Variants in SNX16 observed in about 807,000 individuals in gnomAD.
SNX16 encodes the protein sorting nexin 16.
SNX16 carries 35 observed loss-of-function variants against 36.7 expected under a neutral mutation model. The observed-to-expected ratio is 0.95, with a 90% CI of 0.73 to 1.27. The LOEUF (loss-of-function observed/expected upper bound fraction) is 1.27. Among genes scored for constraint, SNX16 ranks in the 50% most tolerant of loss-of-function variants. SNX16 has a pLI of 0.00. For synonymous variants in SNX16, 134 were observed against 132.0 expected (o/e 1.02, Z -0.10); for missense variants, 367 against 393.6 (o/e 0.93, Z 0.57).
chr8:81,823,652 G>A, intron 4 of SNX16, 140 bp downstream of exon 4: 2 of 624,770 alleles, frequency 3.2e-6, no homozygotes, highest in Non-Finnish European at 5.1e-6. Context: ...ATCTCTTGTA[G>A]TACTTTGTTA....
intron 5 of SNX16, 59 bp downstream of exon 5, chr8:81,815,266 T>C: frequency 8.1e-7 from 1 of 1,229,176 alleles, no homozygotes; most frequent in Non-Finnish European, 1.2e-6. Flanking sequence ...AGAAACAATG[T>C]AGTTATTGTA....
intron 3 of SNX16, 89 bp from the exon 4 acceptor site, chr8:81,824,029 C>T (rs1202399624): frequency 8.4e-7 from 1 of 1,190,646 alleles, no homozygotes; most frequent in East Asian, 2.6e-5. Context: ...TGAAATTATT[C>T]ATGAAATAAG....
chr8:81,822,975 T>TATATATATAC (rs1443392174), intron 4 of SNX16, among the ~76,000 whole-genome samples: 6 of 146,024 alleles, frequency 4.1e-5, no homozygotes, highest in African/African-American at 1.5e-4. Context: ...TATATATATA[T>TATATATATAC]ACACATATGT....
intron 5 of SNX16, 147 bp downstream of exon 5, chr8:81,815,178 G>T: frequency 2.0e-6 from 1 of 504,452 alleles, no homozygotes; most frequent in Non-Finnish European, 3.3e-6. Flanking sequence ...AGCAACCTTT[G>T]ACTCAAACAT....
At chr8:81,811,692 A>G (rs1371059426) in intron 5 of SNX16, among the ~76,000 whole-genome samples, 1 of 152,170 alleles carries the variant, frequency 6.6e-6, no homozygotes, top group East Asian at 1.9e-4. Flanking sequence ...TAACCACTAT[A>G]GGAGACAGAG....
At chr8:81,826,918 T>G (rs947500160) in intron 3 of SNX16, among the ~76,000 whole-genome samples, 3 of 152,176 alleles carry the variant, frequency 2.0e-5, no homozygotes, top group African/African-American at 7.2e-5. Flanking sequence ...GAACTCTATC[T>G]ACTCATTTCA....
intron 4 of SNX16, among the ~76,000 whole-genome samples, chr8:81,817,769 G>C (rs1294484570): frequency 2.0e-5 from 3 of 152,108 alleles, no homozygotes; most frequent in African/African-American, 7.2e-5. Flanking sequence ...TCCTTTCTTA[G>C]AAATTCTGAT....
chr8:81,829,395 C>T (rs752345802), intron 3 of SNX16, 35 bp downstream of exon 3: 2 of 994,276 alleles, frequency 2.0e-6, no homozygotes, highest in Admixed American at 3.3e-5. Context: ...GAATTCAAAA[C>T]TGAAATGTTA....
At chr8:81,837,246 C>T (rs1811530280) in intron 2 of SNX16, among the ~76,000 whole-genome samples, 3 of 152,090 alleles carry the variant, frequency 2.0e-5, no homozygotes, top group African/African-American at 7.2e-5. Context: ...GTGCCTGAGG[C>T]ATAATAGGTA....
intron 2 of SNX16, among the ~76,000 whole-genome samples, chr8:81,838,309 C>T (rs963824502): frequency 2.0e-5 from 3 of 152,028 alleles, no homozygotes; most frequent in Non-Finnish European, 4.4e-5. Flanking sequence ...ATCTATAGAT[C>T]TAACAAAATC....
chr8:81,806,891 T>C (rs1052982956), intron 5 of SNX16, among the ~76,000 whole-genome samples: 6 of 151,776 alleles, frequency 4.0e-5, no homozygotes, highest in Non-Finnish European at 8.8e-5. Flanking sequence ...TCAACAAAAA[T>C]GATGAGGAAT....
At chr8:81,824,528 A>G (rs1052638788) in intron 3 of SNX16, among the ~76,000 whole-genome samples, 1 of 151,138 alleles carries the variant, frequency 6.6e-6, no homozygotes, top group Non-Finnish European at 1.5e-5. Flanking sequence ...GCTTTTTTTT[A>G]GATCATAAAA....
intron 7 of SNX16, 104 bp from the exon 8 acceptor site, chr8:81,801,697 T>C (rs1279360505): frequency 2.3e-6 from 1 of 429,358 alleles, no homozygotes; most frequent in Non-Finnish European, 4.0e-6. Context: ...TTATAGAAAA[T>C]TTACATACTT....
At chr8:81,821,088 G>A (rs1429943027) in intron 4 of SNX16, among the ~76,000 whole-genome samples, 1 of 149,438 alleles carries the variant, frequency 6.7e-6, no homozygotes, top group Non-Finnish European at 1.5e-5. Context: ...ATATGACAAA[G>A]GCAGGTAGGC....
intron 4 of SNX16, among the ~76,000 whole-genome samples, chr8:81,818,326 TTTC>T (rs957481941): frequency 1.8e-4 from 27 of 152,208 alleles, no homozygotes; most frequent in African/African-American, 6.5e-4. Context: ...TATCTTAAAT[TTTC>T]TTTTTTAAAT....
chr8:81,822,947 C>CATATAT (rs949455303), intron 4 of SNX16, among the ~76,000 whole-genome samples: 115 of 52,294 alleles, frequency 2.2e-3, no homozygotes, highest in Middle Eastern at 0.011. Context: ...TATACATATA[C>CATATAT]ATATATATAT....
At chr8:81,836,277 CA>C (rs1238895745) in intron 2 of SNX16, among the ~76,000 whole-genome samples, 1 of 152,112 alleles carries the variant, frequency 6.6e-6, no homozygotes, top group African/African-American at 2.4e-5. Context: ...GTTATGAGAG[CA>C]ATTCAAAAGA....
Position 81,803,126 on chromosome 8 carries a change from G to T in SNX16, c.784C>A (p.Gln262Lys). 1 of 1,611,068 alleles carries T rather than the reference G, an allele frequency of 6.2e-7. No individual in the cohort carries two copies. Among genetic ancestry groups the T allele is most frequent in the Non-Finnish European group, 8.5e-7 (1 of 1,178,572 alleles). ...TTCTCTAAAGTGTCTATATGAAGTTGCTTCTCACTGAGCAGTTTCTTTAGT... is the reference window on the plus strand; with the variant it reads ...TTCTCTAAAGTGTCTATATGAAGTTTCTTCTCACTGAGCAGTTTCTTTAGT... ...ESLKKLLSEK[Q>K]LHIDTLENRI... The change falls in exon 6 of 8, where the codon CAA (glutamine) becomes AAA (lysine). Residue 262 changes from glutamine to lysine, a missense_variant. Transcript: ENST00000345957.
In SNX16 at chr8:81,839,703, T is replaced by C; in HGVS notation, c.284A>G (p.Glu95Gly). ...CCAATTCACTGTTTCCGGATTTTGTTCTTCAGTGTCTCTTGGTCTAGTAGA... is the reference window on the plus strand; with the variant it reads ...CCAATTCACTGTTTCCGGATTTTGTCCTTCAGTGTCTCTTGGTCTAGTAGA... ...EYSTRPRDTE[E>G]QNPETVNWED... Residue 95 changes from glutamate to glycine, a missense_variant, in exon 2 of 8, where the codon GAA becomes GGA. Coordinates refer to ENST00000345957, the MANE Select transcript of SNX16 (RefSeq NM_152836.3). The C allele has an allele frequency of 6.2e-7, 1 of 1,613,990 alleles. No homozygotes were observed. Among genetic ancestry groups the C allele is most frequent in the Admixed American group, 1.7e-5 (1 of 60,026 alleles).
Sources: gnomAD v4.1 joint callset for allele counts (sites outside exome capture counted in the v4.1 genomes callset) on GRCh38, gnomAD v4.1.1 for gene constraint, MANE v1.5 for transcripts, NCBI Gene and HGNC (gene_info 2026-07-23, HGNC 2026-07-21) for gene names.